THSD4: variants seen among roughly 807,000 people sequenced by gnomAD.
THSD4 encodes the protein thrombospondin type-1 domain-containing protein 4.
Under a neutral mutation model 119.0 loss-of-function variants are expected in THSD4, and 69 were observed. The ratio of observed to expected loss-of-function variants is 0.58; its 90% confidence interval spans 0.48 to 0.71. The LOEUF is 0.71. Ranked by LOEUF, THSD4 falls within the 30% of genes least tolerant of loss-of-function variation. The probability of loss-of-function intolerance (pLI) is 0.00; values close to 1 mark genes in which losing one functional copy is unlikely to be tolerated. For missense variants in THSD4, 1,393 were observed against 1,391.1 expected (o/e 1.00, Z -0.02); for synonymous variants, 524 against 540.4 (o/e 0.97, Z 0.42).
At chr15:71,625,546 A>G (rs1323932746) in intron 7 of THSD4, among the ~76,000 whole-genome samples, 3 of 152,226 alleles carry the variant, frequency 2.0e-5, no homozygotes, top group African/African-American at 7.2e-5. Flanking sequence ...ACTAGAGACT[A>G]TGATAAATCT....
At chr15:71,636,276 A>T (rs1309154614) in intron 7 of THSD4, among the ~76,000 whole-genome samples, 1 of 152,146 alleles carries the variant, frequency 6.6e-6, no homozygotes, top group Non-Finnish European at 1.5e-5. Context: ...ACAAAAAATT[A>T]GCTGGGCATG....
chr15:71,413,612 G>T (rs575893588), intron 7 of THSD4, among the ~76,000 whole-genome samples: 1 of 152,266 alleles, frequency 6.6e-6, no homozygotes, highest in African/African-American at 2.4e-5. Context: ...TTCTATCCAT[G>T]CTATTGCAAA....
chr15:71,501,343 A>G (rs1170056812), intron 7 of THSD4, among the ~76,000 whole-genome samples: 1 of 152,268 alleles, frequency 6.6e-6, no homozygotes, highest in African/African-American at 2.4e-5. Flanking sequence ...AAAGAAAGAA[A>G]TTGAGACTCA....
intron 10 of THSD4, chr15:71,731,777 C>T (rs1032078150): frequency 2.0e-5 from 3 of 153,684 alleles, no homozygotes; most frequent in African/African-American, 7.2e-5. Flanking sequence ...GAGTGAGACC[C>T]TATCTCAAAA....
At chr15:71,629,159 T>C (rs1224088416) in intron 7 of THSD4, among the ~76,000 whole-genome samples, 3 of 152,134 alleles carry the variant, frequency 2.0e-5, no homozygotes, top group Non-Finnish European at 4.4e-5. Flanking sequence ...AACAATGTAG[T>C]GGAACGGCCA....
At chr15:71,675,497 A>G (rs908443158) in intron 8 of THSD4, among the ~76,000 whole-genome samples, 3 of 152,204 alleles carry the variant, frequency 2.0e-5, no homozygotes, top group South Asian at 4.1e-4. Flanking sequence ...GTGTGGATAC[A>G]GAAATAAAGG....
rs139352088 is a variant in THSD4 at position 71,220,236 on chromosome 15, G to T, written c.464+4837G>T. Reference sequence around the variant, plus strand: ...AGGAAGAAGGAATCCTTGTGGAATGGAACAGTCAGGGAAGACTGCACAGAG... The same window carrying T: ...AGGAAGAAGGAATCCTTGTGGAATGTAACAGTCAGGGAAGACTGCACAGAG... On this transcript the variant is annotated intron_variant, in intron 4 of 17. Transcript: ENST00000261862. Among the ~76,000 whole-genome samples the T allele has an allele frequency of 5.5e-4, 83 of 152,244 alleles. 2 individuals are homozygous for T. Among genetic ancestry groups the T allele is most frequent in the African/African-American group, 1.7e-3 (69 of 41,536 alleles).
chr15:71,472,185 G>A (rs2047589947), intron 7 of THSD4, among the ~76,000 whole-genome samples: 1 of 152,084 alleles, frequency 6.6e-6, no homozygotes, highest in Non-Finnish European at 1.5e-5. Flanking sequence ...CTAAAGTGCT[G>A]GAATTACAGG....
chr15:71,398,457 A>C (rs2140480704), intron 6 of THSD4, among the ~76,000 whole-genome samples: 1 of 152,276 alleles, frequency 6.6e-6, no homozygotes, highest in South Asian at 2.1e-4. Flanking sequence ...AGCTAGGAGA[A>C]TGTGTAGCTT....
chr15:71,333,853 C>T (rs1483391804), intron 6 of THSD4, among the ~76,000 whole-genome samples: 5 of 152,160 alleles, frequency 3.3e-5, no homozygotes, highest in African/African-American at 7.2e-5. Context: ...TATGAACTTT[C>T]GTTGACAAGA....
intron 8 of THSD4, among the ~76,000 whole-genome samples, chr15:71,723,951 GA>G (rs1388366887): frequency 6.6e-6 from 1 of 151,806 alleles, no homozygotes; most frequent in East Asian, 1.9e-4. Context: ...GCACCTGTGG[GA>G]AGCTGAGGTG....
chr15:71,228,851 T>C lies in THSD4; in HGVS notation c.464+13452T>C, dbSNP rs554960102. ...TATATTTTATCTTCCCTCATGAATC[T>C]TTTTTCATGCAGAAACATTTGGTTC... On this transcript the variant is annotated intron_variant, in intron 4 of 17. Transcript: ENST00000261862. Among the ~76,000 whole-genome samples the C allele has an allele frequency of 1.9e-4, 29 of 152,260 alleles. 1 individual carries two copies. The highest frequency in any genetic ancestry group is 4.2e-4 in the South Asian group (2 of 4,818).
At chr15:71,217,108 A>C (rs1024112280) in intron 4 of THSD4, among the ~76,000 whole-genome samples, 3 of 152,148 alleles carry the variant, frequency 2.0e-5, no homozygotes, top group Non-Finnish European at 2.9e-5. Context: ...ATAGTCCCTT[A>C]TCTGAAATGC....
intron 8 of THSD4, among the ~76,000 whole-genome samples, chr15:71,669,106 A>G (rs920992870): frequency 6.6e-5 from 10 of 152,220 alleles, no homozygotes; most frequent in Admixed American, 2.0e-4. Flanking sequence ...AGTCGTGCCA[A>G]TTTACACTCC....
chr15:71,739,638 A>C (rs903443168), intron 11 of THSD4, among the ~76,000 whole-genome samples: 1 of 152,134 alleles, frequency 6.6e-6, no homozygotes. Flanking sequence ...AATTTCCTTC[A>C]TATATATGAT....
intron 7 of THSD4, among the ~76,000 whole-genome samples, chr15:71,582,646 G>T (rs1005217491): frequency 4.6e-5 from 7 of 152,056 alleles, no homozygotes; most frequent in Non-Finnish European, 1.0e-4. Flanking sequence ...TTATGTTGCG[G>T]TATATTTCTT....
chr15:71,348,845 T>C (rs1300807386), intron 6 of THSD4, among the ~76,000 whole-genome samples: 2 of 152,244 alleles, frequency 1.3e-5, no homozygotes, highest in African/African-American at 2.4e-5. Context: ...AGCAGCATCT[T>C]TGGAGTAAGT....
intron 6 of THSD4, among the ~76,000 whole-genome samples, chr15:71,318,803 A>G (rs927606672): frequency 6.6e-6 from 1 of 152,222 alleles, no homozygotes; most frequent in Non-Finnish European, 1.5e-5. Context: ...GAAGAGTCAG[A>G]TGATGCCAAG....
intron 8 of THSD4, among the ~76,000 whole-genome samples, chr15:71,677,793 C>G (rs2051683690): frequency 6.6e-6 from 1 of 152,150 alleles, no homozygotes; most frequent in African/African-American, 2.4e-5. Flanking sequence ...AATAGTTAAG[C>G]TGTGGTTTGT....
Sources: gnomAD v4.1 joint callset for allele counts (sites outside exome capture counted in the v4.1 genomes callset) on GRCh38, gnomAD v4.1.1 for gene constraint, MANE v1.5 for transcripts, NCBI Gene and HGNC (gene_info 2026-07-23, HGNC 2026-07-21) for gene names.